The following TCIRG1 variants were observed in gnomAD, a reference collection of about 807,000 sequenced individuals.
The protein encoded by TCIRG1 is V-type proton ATPase 116 kDa subunit a 3.
A neutral mutation model predicts 95.5 loss-of-function variants in TCIRG1; 86 were observed. The ratio of observed to expected loss-of-function variants is 0.90; its 90% CI spans 0.76 to 1.08. TCIRG1 has a LOEUF of 1.08. Among genes scored for constraint, TCIRG1 ranks in the 50% least tolerant of loss-of-function variants. TCIRG1 has a pLI of 0.00. For synonymous variants in TCIRG1, 499 were observed against 501.3 expected (o/e 1.00, Z 0.06); for missense variants, 1,069 against 1,140.2 (o/e 0.94, Z 0.90).
rs1363116016 is a variant in TCIRG1, at chr11:68,050,455, C to A, written c.2237-32C>A. On this transcript the variant is annotated intron_variant, in intron 18 of 19. Transcript: ENST00000265686. ...TAGGGGGCTGGCAGGCACCCACTTG[C>A]CGTTGGCCCCCACTGTCTCCTTTGC... 3.1e-6 allele frequency: 5 copies of A among 1,611,822 alleles called. No homozygotes were observed. The South Asian group carries it at 4.4e-5, about 14-fold the overall frequency.
intron 10 of TCIRG1, among the ~76,000 whole-genome samples, chr11:68,046,446 C>T (rs146839089): frequency 1.3e-5 from 2 of 152,278 alleles, no homozygotes; most frequent in East Asian, 1.9e-4. Context: ...TTGGAGCGGC[C>T]GTCCTCATCT....
At chr11:68,039,804 C>T (rs528544284) in intron 1 of TCIRG1, 12 of 152,208 alleles carry the variant, frequency 7.9e-5, no homozygotes, top group Admixed American at 6.5e-4. Flanking sequence ...TGTTCCCCCA[C>T]CCCCTGGGAA....
At position 68,050,169 on chromosome 11, in the gene TCIRG1, C is replaced by A. The variant is rs749752756; in HGVS notation, c.2151C>A (p.Ala717=). 4 of 1,613,638 alleles carry A rather than the reference C, an allele frequency of 2.5e-6. No individual in the cohort carries two copies. In the South Asian group the frequency reaches 4.4e-5, roughly 18 times the overall value. The part of the protein sequence containing the change: ...LVPSEVLMHQ[A]IHTIEFCLGC... ...CCTCCGAGGTGCTCATGCACCAGGC[C>A]ATCCACACCATCGAGTTCTGCCTGG... Residue 717 remains alanine, a synonymous_variant, in exon 18 of 20, where the codon GCC becomes GCA. Transcript: ENST00000265686.
chr11:68,050,375 G>C, intron 18 of TCIRG1, 112 bp from the exon 19 acceptor site: 1 of 1,605,132 alleles, frequency 6.2e-7, no homozygotes, highest in Non-Finnish European at 8.5e-7. Flanking sequence ...GACTGTCCAA[G>C]GAGGTCCCTC....
Position 68,047,681 on chromosome 11 carries a change from TC to T in TCIRG1, c.1342del (p.Leu448CysfsTer80), listed in dbSNP as rs1339346552. The T allele has an allele frequency of 6.2e-7, 1 of 1,613,562 alleles. No individual in the cohort carries two copies. On this transcript the variant is annotated frameshift_variant, in exon 12 of 20. Transcript: ENST00000265686. LOFTEE classifies it high-confidence loss of function. ...WQTFFRGRYL[L>X]LLMGLFSIYT... Reference sequence around the variant, plus strand: ...ACTTTCTTCAGGGGCCGCTACCTGCTCCTGCTTATGGGCCTGTTCTCCATCT... The same window carrying T: ...ACTTTCTTCAGGGGCCGCTACCTGCTCTGCTTATGGGCCTGTTCTCCATCT...
chr11:68,046,437 T>G (rs974432212), intron 10 of TCIRG1, among the ~76,000 whole-genome samples: 1 of 152,320 alleles, frequency 6.6e-6, no homozygotes, highest in East Asian at 1.9e-4. Context: ...CTCCTGGGCT[T>G]GGAGCGGCCG....
chr11:68,045,066 G>A lies in TCIRG1; in HGVS notation c.1129G>A (p.Ala377Thr). The A allele has an allele frequency of 6.2e-7, 1 of 1,604,326 alleles. No individual in the cohort carries two copies. ...GGCCAGCTTCCAGGGCATCGTGGAT[G>A]CCTACGGCGTGGGCCGCTACCAGGA... ...FTASFQGIVDAYGVGRYQEVN... is the reference protein window; with the variant it reads ...FTASFQGIVDTYGVGRYQEVN... The change falls in exon 10 of 20, where the codon GCC becomes ACC. Residue 377 changes from alanine to threonine, a missense_variant. Transcript: ENST00000265686.
chr11:68,049,043 G>A (rs1199774128), intron 14 of TCIRG1, 38 bp from the exon 15 acceptor site: 1 of 1,612,880 alleles, frequency 6.2e-7, no homozygotes, highest in Non-Finnish European at 8.5e-7. Context: ...GCAGGCCAGA[G>A]TGGGCCCCAG....
chr11:68,043,214 T>C, intron 5 of TCIRG1, 157 bp from the exon 6 acceptor site: 22 of 1,478,158 alleles, frequency 1.5e-5, no homozygotes, highest in Non-Finnish European at 2.0e-5. Context: ...TCTCCTCTTC[T>C]GGTCCTGCCC....
intron 10 of TCIRG1, among the ~76,000 whole-genome samples, 166 bp from the exon 11 acceptor site, chr11:68,047,267 C>CG (rs1491486058): frequency 5.2e-5 from 4 of 77,382 alleles, no homozygotes; most frequent in East Asian, 4.6e-4. Context: ...CCCCCCCCCC[C>CG]GTCTCGGCCT....
At chr11:68,041,702 G>A (rs1474158358) in intron 2 of TCIRG1, 51 bp from the exon 3 acceptor site, 13 of 1,482,120 alleles carry the variant, frequency 8.8e-6, no homozygotes, top group Non-Finnish European at 1.2e-5. Context: ...AGGGTGAGGA[G>A]CTCCCTGACC....
intron 5 of TCIRG1, 96 bp downstream of exon 5, chr11:68,043,127 T>C (rs1855261533): frequency 2.6e-6 from 4 of 1,543,686 alleles, no homozygotes; most frequent in East Asian, 4.9e-5. Context: ...CCTTGTCCAG[T>C]GCTCTCCCCA....
chr11:68,041,469 CCT>C, intron 2 of TCIRG1, 81 bp downstream of exon 2: 5 of 1,080,848 alleles, frequency 4.6e-6, no homozygotes, highest in Non-Finnish European at 6.9e-6. Context: ...GACTGCCCCC[CCT>C]CCGCCATAGG....
downstream of TCIRG1, chr11:68,052,406 G>A (rs890866079): frequency 1.3e-5 from 2 of 152,328 alleles, no homozygotes; most frequent in Non-Finnish European, 2.9e-5. Flanking sequence ...GGCGAGGGCT[G>A]AGTGAGGCCA....
intron 10 of TCIRG1, among the ~76,000 whole-genome samples, chr11:68,046,370 T>G (rs1286716171): frequency 6.6e-6 from 1 of 152,100 alleles, no homozygotes; most frequent in Non-Finnish European, 1.5e-5. Context: ...TGATGAGGTG[T>G]TGTCAGCAGG....
chr11:68,046,438 G>A (rs921699292), intron 10 of TCIRG1, among the ~76,000 whole-genome samples: 4 of 152,184 alleles, frequency 2.6e-5, no homozygotes, highest in Non-Finnish European at 2.9e-5. Context: ...TCCTGGGCTT[G>A]GAGCGGCCGT....
In TCIRG1 at chr11:68,043,654, G is replaced by T. The variant is rs774308815; in HGVS notation, c.713+1G>T. On this transcript the variant is annotated splice_donor_variant, in intron 7 of 19. Transcript: ENST00000265686. LOFTEE classifies it high-confidence loss of function. ...AGAAGATCCGCAAGATCACGGACTG[G>T]TGAGTCACTGGGAACACCCGCCCCA... is the stretch of plus-strand genomic sequence containing the variant. The T allele has an allele frequency of 2.5e-6, 4 of 1,606,642 alleles. No homozygotes were observed. The highest frequency in any genetic ancestry group is 1.7e-5 in the Admixed American group (1 of 59,288).
chr11:68,043,828 T>C lies in TCIRG1; in HGVS notation c.728T>C (p.Val243Ala). ...RKITDCFHCH[V>A]FPFLQQEEAR... ...CCTCCCTCCAGCTTCCACTGCCACG[T>C]CTTCCCGTTTCTGCAGCAGGAGGAG... is the stretch of plus-strand genomic sequence containing the variant. Residue 243 changes from valine to alanine, a missense_variant, in exon 8 of 20, where the codon GTC (valine) becomes GCC (alanine). Physicochemically the swap from Val to Ala is moderately conservative, Grantham distance 64 (BLOSUM62 0). Coordinates refer to ENST00000265686, the MANE Select transcript of TCIRG1 (RefSeq NM_006019.4). The C allele has an allele frequency of 6.4e-7, 1 of 1,563,068 alleles. No individual in the cohort carries two copies. Among genetic ancestry groups the C allele is most frequent in the Non-Finnish European group, 8.7e-7 (1 of 1,154,622 alleles).
At chr11:68,041,472 C>T (rs570336235) in intron 2 of TCIRG1, 84 bp downstream of exon 2, 4 of 1,018,560 alleles carry the variant, frequency 3.9e-6, no homozygotes, top group African/African-American at 3.1e-5. Flanking sequence ...TGCCCCCCCT[C>T]CGCCATAGGG....
Sources: gnomAD v4.1 joint callset for allele counts (sites outside exome capture counted in the v4.1 genomes callset) on GRCh38, gnomAD v4.1.1 for gene constraint, MANE v1.5 for transcripts, NCBI Gene and HGNC (gene_info 2026-07-23, HGNC 2026-07-21) for gene names.